The following CCDC144A variants were observed in gnomAD, a reference collection of about 807,000 sequenced individuals.
CCDC144A encodes coiled-coil domain-containing protein 144A.
CCDC144A carries 41 observed loss-of-function variants against 143.8 expected under a neutral mutation model. The observed-to-expected ratio is 0.29, with a 90% CI of 0.22 to 0.37. The LOEUF is 0.37. Ranked by LOEUF, CCDC144A falls within the 10% of genes least tolerant of loss-of-function variation. The pLI, the probability that CCDC144A is intolerant of heterozygous loss-of-function variation, is 1.00. For synonymous variants in CCDC144A, 242 were observed against 517.9 expected (o/e 0.47, Z 7.23); for missense variants, 637 against 1,488.8 (o/e 0.43, Z 9.41).
chr17:16,681,992 A>G, the CCDC144A span, among the ~76,000 whole-genome samples: 45 of 152,182 alleles, frequency 3.0e-4, 1 homozygote, highest in African/African-American at 1.1e-3. Context: ...TGGCTAGCCT[A>G]TAATTTTGAG....
At chr17:16,749,503 T>G (rs189705878) in intron 12 of CCDC144A, among the ~76,000 whole-genome samples, 3 of 151,670 alleles carry the variant, frequency 2.0e-5, no homozygotes, top group Non-Finnish European at 2.9e-5. Context: ...TGCTTTATGG[T>G]CAAACATGTT....
intron 12 of CCDC144A, chr17:16,745,974 A>G: frequency 1.9e-6 from 3 of 1,609,432 alleles, no homozygotes; most frequent in Non-Finnish European, 2.5e-6. Context: ...GCCGTCATCC[A>G]CATGGTGTCT....
At chr17:16,683,766 G>C in the CCDC144A span, 4 of 1,505,306 alleles carry the variant, frequency 2.7e-6, no homozygotes, top group Non-Finnish European at 3.7e-6. Flanking sequence ...TGAAAGCGCA[G>C]AGCCATATGC....
At chr17:16,675,789 C>A in the CCDC144A span, among the ~76,000 whole-genome samples, 1 of 152,038 alleles carries the variant, frequency 6.6e-6, no homozygotes, top group Non-Finnish European at 1.5e-5. Context: ...GTCGCCCAGG[C>A]TGGAGTGCTG....
chr17:16,701,786 G>A (rs1406869312), intron 2 of CCDC144A, among the ~76,000 whole-genome samples: 3 of 150,728 alleles, frequency 2.0e-5, no homozygotes, highest in East Asian at 3.8e-4. Context: ...GCCACGTAAC[G>A]GGGAGGGTGG....
intron 15 of CCDC144A, among the ~76,000 whole-genome samples, chr17:16,771,190 G>A (rs1452074545): frequency 1.3e-5 from 2 of 152,212 alleles, no homozygotes; most frequent in African/African-American, 4.8e-5. Flanking sequence ...TAATTAAGTA[G>A]ATAACTATAA....
At chr17:16,732,233 T>TA (rs1913770330) in intron 10 of CCDC144A, among the ~76,000 whole-genome samples, 1 of 139,438 alleles carries the variant, frequency 7.2e-6, no homozygotes, top group Non-Finnish European at 1.6e-5. Flanking sequence ...GCTGTTCATT[T>TA]ACACATTTTT....
intron 2 of CCDC144A, among the ~76,000 whole-genome samples, chr17:16,703,481 A>G (rs1284311397): frequency 6.6e-6 from 1 of 152,178 alleles, no homozygotes; most frequent in Non-Finnish European, 1.5e-5. Flanking sequence ...GATATTTACT[A>G]TTTTAGAAAT....
intron 6 of CCDC144A, among the ~76,000 whole-genome samples, chr17:16,717,131 T>G (rs1175826864): frequency 6.9e-6 from 1 of 145,920 alleles, no homozygotes; most frequent in Non-Finnish European, 1.5e-5. Context: ...TTTTCTTTTT[T>G]CTTTGTGACA....
Position 16,705,333 on chromosome 17 carries a change from T to C in CCDC144A, c.598T>C (p.Ser200Pro). The change falls in exon 3 of 17, where the codon TCA becomes CCA. Residue 200 changes from serine (S) to proline (P), a missense_variant. Transcript: ENST00000399273. Reference protein sequence around the residue: ...EKMDTGVVLLSGNDTLHDLCQ... With the variant: ...EKMDTGVVLLPGNDTLHDLCQ... ...GATGGACACTGGAGTTGTACTTCTC[T>C]CAGGGAATGATACTCTCCATGACCT... 1 of 927,372 alleles carries C rather than the reference T, an allele frequency of 1.1e-6. No homozygotes were observed. Among genetic ancestry groups the C allele is most frequent in the East Asian group, 2.4e-5 (1 of 41,216 alleles). The allele number at this position is 927,372 out of a possible 1,614,324, so 57.4% of individuals were successfully genotyped here. A position where few individuals can be genotyped will look rare whatever the true frequency, so the allele number is the denominator to read the frequency against.
chr17:16,723,730 T>C (rs1351359417), intron 8 of CCDC144A, among the ~76,000 whole-genome samples: 1 of 152,168 alleles, frequency 6.6e-6, no homozygotes, highest in Non-Finnish European at 1.5e-5. Context: ...AATGAGGGCT[T>C]GGCTCCCATG....
intron 11 of CCDC144A, among the ~76,000 whole-genome samples, chr17:16,733,363 C>T (rs929899200): frequency 2.0e-5 from 3 of 146,602 alleles, no homozygotes; most frequent in Non-Finnish European, 4.5e-5. Context: ...ATTAGCCAGG[C>T]GTGGTGGCGG....
chr17:16,677,823 A>T, the CCDC144A span, among the ~76,000 whole-genome samples: 3 of 151,984 alleles, frequency 2.0e-5, no homozygotes, highest in East Asian at 5.8e-4. Context: ...AGAAAAAAAA[A>T]AAAATGAAAG....
chr17:16,737,466 A>G (rs1186928552), intron 12 of CCDC144A: 1 of 1,265,066 alleles, frequency 7.9e-7, no homozygotes, highest in Non-Finnish European at 1.0e-6. Context: ...GCGCCCGGCC[A>G]GAGTTAAATC....
chr17:16,730,730 T>TTTG (rs751915734), intron 9 of CCDC144A, among the ~76,000 whole-genome samples: 5 of 134,288 alleles, frequency 3.7e-5, no homozygotes, highest in East Asian at 2.2e-4. Flanking sequence ...TTCCTAGGTT[T>TTTG]TTGTTGTTGT....
intron 2 of CCDC144A, among the ~76,000 whole-genome samples, chr17:16,699,501 G>C (rs1310189351): frequency 1.4e-4 from 2 of 14,610 alleles, no homozygotes; most frequent in Non-Finnish European, 2.4e-4. Context: ...TCAGCCTCCT[G>C]AGTAGCTGGG....
the CCDC144A span, among the ~76,000 whole-genome samples, chr17:16,677,390 T>G: frequency 6.6e-6 from 1 of 152,110 alleles, no homozygotes; most frequent in Non-Finnish European, 1.5e-5. Context: ...TTATAGAAGG[T>G]TATAGATTTC....
chr17:16,684,015 T>G, the CCDC144A span: 9 of 947,246 alleles, frequency 9.5e-6, no homozygotes, highest in African/African-American at 1.1e-4. Flanking sequence ...AGAGCGGAAA[T>G]TCATGCAGCC....
intron 12 of CCDC144A, among the ~76,000 whole-genome samples, chr17:16,758,267 A>C (rs2649369): frequency 1.3e-5 from 2 of 152,396 alleles, no homozygotes; most frequent in African/African-American, 4.8e-5. Context: ...AATATGGCAG[A>C]AGACTCAGGC....
Sources: allele counts gnomAD v4.1 joint callset (sites outside exome capture counted in the v4.1 genomes callset), GRCh38; gene constraint gnomAD v4.1.1; transcripts MANE v1.5; gene names NCBI Gene and HGNC (gene_info 2026-07-23, HGNC 2026-07-21).